The following DNTTIP1 variants were observed in gnomAD, a reference collection of about 807,000 sequenced individuals.
The protein encoded by DNTTIP1 is deoxynucleotidyltransferase terminal interacting protein 1, also known as deoxynucleotidyltransferase terminal-interacting protein 1.
A neutral mutation model predicts 52.9 loss-of-function variants in DNTTIP1; 22 were observed. The observed-to-expected ratio is 0.42, with a 90% confidence interval of 0.30 to 0.59. The LOEUF (loss-of-function observed/expected upper bound fraction) is 0.59. Among genes scored for constraint, DNTTIP1 ranks in the 20% least tolerant of loss-of-function variants. DNTTIP1 has a pLI of 0.22. For missense variants in DNTTIP1, 286 were observed against 435.5 expected (o/e 0.66, Z 3.06); for synonymous variants, 136 against 155.1 (o/e 0.88, Z 0.92).
At position 45,801,267 on chromosome 20, in the gene DNTTIP1, A is replaced by G. The variant is rs1298336954; in HGVS notation, c.441+125A>G. On this transcript the variant is annotated intron_variant, in intron 5 of 12. Coordinates refer to ENST00000372622, the MANE Select transcript of DNTTIP1 (RefSeq NM_052951.3). Reference sequence around the variant, plus strand: ...TGTAGGACCAGGCCCACACAGCATCATGCTGGATGGGCTTCTTTGGCCTGG... The same window carrying G: ...TGTAGGACCAGGCCCACACAGCATCGTGCTGGATGGGCTTCTTTGGCCTGG... The G allele has an allele frequency of 5.1e-6, 7 of 1,381,626 alleles. No homozygotes were observed. The East Asian group carries it at 1.6e-4, about 32-fold the overall frequency. The allele number at this position is 1,381,626 out of a possible 1,614,324, so 85.6% of individuals were successfully genotyped here.
chr20:45,795,324 T>C, intron 3 of DNTTIP1, 21 bp from the exon 4 acceptor site: 10 of 1,512,474 alleles, frequency 6.6e-6, no homozygotes, highest in Non-Finnish European at 9.1e-6. Context: ...TCTGACCTTG[T>C]CCTCTGTTGT....
At chr20:45,802,163 C>A in intron 7 of DNTTIP1, 106 bp downstream of exon 7, 1 of 1,232,424 alleles carries the variant, frequency 8.1e-7, no homozygotes, top group Non-Finnish European at 1.2e-6. Context: ...TCAGATCCAT[C>A]AGCTTAAGTC....
chr20:45,795,398 C>T lies in DNTTIP1; in HGVS notation c.327C>T (p.Asp109=), dbSNP rs1165364126. Residue 109 remains aspartate (D), a synonymous_variant, in exon 4 of 13, where the codon GAC becomes GAT. Transcript: ENST00000372622. ...GAGACAATGTTGGGGAGGAGGTGGA[C>T]GCAGAGCAGCTGATCCAGGAAGCCT... The part of the protein sequence containing the change: ...NVRDNVGEEV[D]AEQLIQEACR... 11 of 1,611,458 alleles carry T rather than the reference C, an allele frequency of 6.8e-6. No individual in the cohort carries two copies. The highest frequency in any genetic ancestry group is 5.0e-5 in the Admixed American group (3 of 59,812).
chr20:45,808,430 C>T (rs1400616699), intron 10 of DNTTIP1, among the ~76,000 whole-genome samples: 1 of 152,120 alleles, frequency 6.6e-6, no homozygotes, highest in African/African-American at 2.4e-5. Context: ...CACCTGAGGT[C>T]GGGAGTTCAA....
Position 45,794,012 on chromosome 20 carries a change from A to T in DNTTIP1, c.268A>T (p.Met90Leu). Residue 90 changes from methionine (M) to leucine (L), a missense_variant, in exon 3 of 13, where the codon ATG becomes TTG. By Grantham distance (15) the Met-to-Leu change is conservative. This residue lies in a region of DNTTIP1 where 208 missense variants were observed against 266.5 expected (regional missense o/e 0.78). Transcript: ENST00000372622. ...EEIQTVFNKYMKFFQKAALNV... is the reference protein window; with the variant it reads ...EEIQTVFNKYLKFFQKAALNV... ...GATCCAGACTGTCTTCAACAAGTAC[A>T]TGAAGGTGAGAGGGACACAGGATAA... 6.3e-7 allele frequency: 1 copy of T among 1,589,184 alleles called. No individual in the cohort carries two copies. The highest frequency in any genetic ancestry group is 8.6e-7 in the Non-Finnish European group (1 of 1,166,240).
At chr20:45,803,495 GC>G in intron 8 of DNTTIP1, 117 bp downstream of exon 8, 1 of 1,106,888 alleles carries the variant, frequency 9.0e-7, no homozygotes, top group Non-Finnish European at 1.3e-6. Flanking sequence ...CCATTCCAGA[GC>G]CATCTGCCCC....
intron 3 of DNTTIP1, among the ~76,000 whole-genome samples, chr20:45,795,102 T>G (rs903877040): frequency 6.6e-6 from 1 of 152,014 alleles, no homozygotes; most frequent in Middle Eastern, 3.2e-3. Context: ...CCGTCCTGAT[T>G]TTTTGCACTA....
chr20:45,794,817 T>C (rs1981180169), intron 3 of DNTTIP1, among the ~76,000 whole-genome samples: 1 of 151,002 alleles, frequency 6.6e-6, no homozygotes, highest in South Asian at 2.1e-4. Context: ...TTTTTTTTTT[T>C]TGAGACAGAG....
rs1286601282 is a variant in DNTTIP1, at chr20:45,793,984, G to C, written c.240G>C (p.Glu80Asp). 1 of 1,600,000 alleles carries C rather than the reference G, an allele frequency of 6.3e-7. No homozygotes were observed. The highest frequency in any genetic ancestry group is 8.5e-7 in the Non-Finnish European group (1 of 1,173,248). The change falls in exon 3 of 13, where the codon GAG (glutamate) becomes GAC (aspartate). Residue 80 changes from glutamate (E) to aspartate (D), a missense_variant. Glu to Asp is a conservative substitution (Grantham distance 45, BLOSUM62 2). Transcript: ENST00000372622. ...CTGTCCTGCAGCCCAGCATCAACGAGGAGATCCAGACTGTCTTCAACAAGT... is the reference window on the plus strand; with the variant it reads ...CTGTCCTGCAGCCCAGCATCAACGACGAGATCCAGACTGTCTTCAACAAGT... ...LRAVLQPSIN[E>D]EIQTVFNKYM...
rs1981413348 is a variant in DNTTIP1 at position 45,800,691 on chromosome 20, AAAAATATATATATATATATATAT to A, written c.373-381_373-359del. The stretch of plus-strand genomic sequence containing the variant: ...CTCCATCTCAATTTAAAAAAAAAAA[AAAAATATATATATATATATATAT>A]ATATATATATATATATATATATATA... On this transcript the variant is annotated intron_variant, in intron 4 of 12. Coordinates refer to ENST00000372622, the MANE Select transcript of DNTTIP1 (RefSeq NM_052951.3). Among the ~76,000 whole-genome samples, 16 of 57,102 alleles carry A rather than the reference AAAAATATATATATATATATATAT, an allele frequency of 2.8e-4. 2 individuals are homozygous for A. Among genetic ancestry groups the A allele is most frequent in the South Asian group, 1.2e-3 (2 of 1,652 alleles). The allele number at this position is 57,102 out of a possible 152,430, so 37.5% of individuals were successfully genotyped here. A position where few individuals can be genotyped will look rare whatever the true frequency, so the allele number is the denominator to read the frequency against.
intron 1 of DNTTIP1, chr20:45,792,440 T>G (rs561151613): frequency 1.6e-4 from 82 of 501,006 alleles, no homozygotes; most frequent in Non-Finnish European, 2.9e-4. Context: ...CGGTAAATAC[T>G]GCTTCCCTTC....
At chr20:45,800,694 A>AAATAT (rs1981421579) in intron 4 of DNTTIP1, among the ~76,000 whole-genome samples, 1 of 16,420 alleles carries the variant, frequency 6.1e-5, no homozygotes, top group African/African-American at 2.3e-4. Flanking sequence ...AAAAAAAAAA[A>AAATAT]ATATATATAT....
At chr20:45,800,858 G>A (rs1181585362) in intron 4 of DNTTIP1, among the ~76,000 whole-genome samples, 1 of 149,610 alleles carries the variant, frequency 6.7e-6, no homozygotes, top group Admixed American at 6.7e-5. Context: ...GCTGGGTATG[G>A]TGGCGCACCC....
chr20:45,801,365 A>G, intron 5 of DNTTIP1, 37 bp from the exon 6 acceptor site: 1 of 1,612,188 alleles, frequency 6.2e-7, no homozygotes, highest in Non-Finnish European at 8.5e-7. Context: ...GCTCCCAGGC[A>G]CTGGCCTTCC....
At position 45,799,517 on chromosome 20, in the gene DNTTIP1, C is replaced by T. The variant is rs6065894; in HGVS notation, c.373-1557C>T. 8.9e-3 allele frequency among the ~76,000 whole-genome samples: 1,362 copies of T among 152,314 alleles called. 9 individuals are homozygous for T. The highest frequency in any genetic ancestry group is 0.017 in the Admixed American group (257 of 15,308). ...TCTGCACTCCTCCCTGCTGCTGAAA[C>T]ACTTCTGCCCAGCTTTTTTTACAGC... On this transcript the variant is annotated intron_variant, in intron 4 of 12. Transcript: ENST00000372622.
chr20:45,807,483 T>C (rs1981686398), intron 10 of DNTTIP1, among the ~76,000 whole-genome samples: 1 of 152,244 alleles, frequency 6.6e-6, no homozygotes, highest in Admixed American at 6.5e-5. Flanking sequence ...AATCTATTTG[T>C]ATTTCTTCTG....
chr20:45,801,278 G>A, intron 5 of DNTTIP1, 124 bp from the exon 6 acceptor site: 1 of 1,396,696 alleles, frequency 7.2e-7, no homozygotes, highest in Non-Finnish European at 1.0e-6. Context: ...TGCTGGATGG[G>A]CTTCTTTGGC....
At chr20:45,795,204 C>A (rs6104350) in intron 3 of DNTTIP1, 141 bp from the exon 4 acceptor site, 313,848 of 518,908 alleles carry the variant, frequency 0.6, 97,646 homozygotes, top group Admixed American at 0.7. Context: ...GAATCTAAAT[C>A]TGGCTGATCC....
intron 4 of DNTTIP1, among the ~76,000 whole-genome samples, chr20:45,798,028 C>T (rs1981298902): frequency 6.6e-6 from 1 of 152,158 alleles, no homozygotes. Flanking sequence ...AAGACACATG[C>T]ACACATATGT....
Sources: allele counts gnomAD v4.1 joint callset (sites outside exome capture counted in the v4.1 genomes callset), GRCh38; gene constraint gnomAD v4.1.1; regional missense constraint gnomAD v4.1.1; transcripts MANE v1.5; gene names NCBI Gene and HGNC (gene_info 2026-07-23, HGNC 2026-07-21).